The following LHFPL3 variants were observed in gnomAD, a reference collection of about 807,000 sequenced individuals.
LHFPL3 encodes the protein LHFPL tetraspan subfamily member 3 protein.
Under a neutral mutation model 19.3 loss-of-function variants are expected in LHFPL3, and 5 were observed. The ratio of observed to expected loss-of-function variants is 0.26; its 90% CI spans 0.14 to 0.54. The LOEUF is 0.54. Ranked by LOEUF, LHFPL3 falls within the 20% of genes least tolerant of loss-of-function variation. The probability of loss-of-function intolerance (pLI) is 0.94; values close to 1 mark genes in which losing one functional copy is unlikely to be tolerated. For missense variants in LHFPL3, 249 were observed against 307.4 expected, an observed-to-expected ratio of 0.81 and a Z score of 1.42; for synonymous variants, 133 against 126.2, an observed-to-expected ratio of 1.05 and a Z score of -0.36.
At chr7:104,770,716 ATCC>A (rs539104365) in intron 2 of LHFPL3, among the ~76,000 whole-genome samples, 1 of 152,154 alleles carries the variant, frequency 6.6e-6, no homozygotes, top group South Asian at 2.1e-4. Flanking sequence ...AAATCTCAGA[ATCC>A]TCCTCAACAC....
chr7:104,518,850 A>AAATAGATAGATAG (rs1562923378), intron 1 of LHFPL3, among the ~76,000 whole-genome samples: 58 of 140,084 alleles, frequency 4.1e-4, no homozygotes, highest in African/African-American at 1.5e-3. Context: ...TAGATAGAAT[A>AAATAGATAGATAG]AATAAAAAAA....
At chr7:104,536,459 A>G (rs936335243) in intron 1 of LHFPL3, among the ~76,000 whole-genome samples, 2 of 152,200 alleles carry the variant, frequency 1.3e-5, no homozygotes, top group Non-Finnish European at 1.5e-5. Context: ...CGATTGGAAC[A>G]TCATTTTCCC....
intron 1 of LHFPL3, among the ~76,000 whole-genome samples, chr7:104,347,412 CT>C (rs1399202968): frequency 1.3e-5 from 2 of 152,062 alleles, no homozygotes; most frequent in Non-Finnish European, 2.9e-5. Context: ...GCTGGGTCCT[CT>C]TTTCACCCTC....
intron 1 of LHFPL3, among the ~76,000 whole-genome samples, chr7:104,529,633 C>A (rs768229555): frequency 6.6e-6 from 1 of 152,172 alleles, no homozygotes; most frequent in Non-Finnish European, 1.5e-5. Flanking sequence ...AAGTAGTCAT[C>A]CCTCTTTCTC....
intron 2 of LHFPL3, among the ~76,000 whole-genome samples, chr7:104,842,482 T>C (rs1422675589): frequency 6.6e-6 from 1 of 152,190 alleles, no homozygotes; most frequent in Admixed American, 6.5e-5. Context: ...GATAATGTCA[T>C]GGCTGTCTTC....
chr7:104,773,193 C>A (rs1223931266), intron 2 of LHFPL3, among the ~76,000 whole-genome samples: 1 of 152,196 alleles, frequency 6.6e-6, no homozygotes, highest in East Asian at 1.9e-4. Flanking sequence ...CAGAACCTGA[C>A]AGGGCAGTGA....
intron 1 of LHFPL3, among the ~76,000 whole-genome samples, chr7:104,642,816 G>T (rs187083822): frequency 1.3e-5 from 2 of 152,274 alleles, no homozygotes; most frequent in African/African-American, 4.8e-5. Flanking sequence ...GCCCCTGAAG[G>T]TTCCCCCTTT....
chr7:104,706,236 T>C (rs962121837), intron 1 of LHFPL3, among the ~76,000 whole-genome samples: 7 of 152,124 alleles, frequency 4.6e-5, no homozygotes, highest in African/African-American at 1.4e-4. Context: ...GGCATGATAC[T>C]TACTGTCAGC....
chr7:104,752,708 A>G, intron 2 of LHFPL3: 1 of 392,818 alleles, frequency 2.5e-6, no homozygotes, highest in Non-Finnish European at 4.5e-6. Flanking sequence ...CGAGCGCACA[A>G]GCTTACCGTA....
intron 2 of LHFPL3, among the ~76,000 whole-genome samples, chr7:104,788,438 A>G (rs1336052218): frequency 6.6e-6 from 1 of 152,152 alleles, no homozygotes; most frequent in African/African-American, 2.4e-5. Flanking sequence ...TATTCAATCT[A>G]TTGTAGAGCT....
intron 1 of LHFPL3, among the ~76,000 whole-genome samples, chr7:104,495,547 C>A (rs914234680): frequency 1.3e-5 from 2 of 152,136 alleles, no homozygotes; most frequent in African/African-American, 4.8e-5. Flanking sequence ...CCACGCTTGG[C>A]TAATTTTTTG....
intron 1 of LHFPL3, among the ~76,000 whole-genome samples, chr7:104,424,729 C>T (rs779669448): frequency 1.3e-5 from 2 of 152,042 alleles, no homozygotes; most frequent in African/African-American, 4.8e-5. Flanking sequence ...CGGTGGCTCA[C>T]GCCTGTAATC....
intron 1 of LHFPL3, among the ~76,000 whole-genome samples, chr7:104,497,170 CA>C (rs67997138): frequency 0.077 from 11,014 of 143,200 alleles, 1,322 homozygotes; most frequent in African/African-American, 0.26. Flanking sequence ...ACTGACAAAA[CA>C]AAAAAAAAAG....
intron 1 of LHFPL3, among the ~76,000 whole-genome samples, chr7:104,414,754 G>T (rs953120218): frequency 2.6e-5 from 4 of 152,138 alleles, no homozygotes; most frequent in African/African-American, 9.7e-5. Flanking sequence ...ATTCAATTTC[G>T]TGCTGCCAAC....
intron 1 of LHFPL3, among the ~76,000 whole-genome samples, chr7:104,675,861 A>G (rs1459051749): frequency 6.6e-6 from 1 of 152,066 alleles, no homozygotes; most frequent in Non-Finnish European, 1.5e-5. Flanking sequence ...TTTTAGATAT[A>G]TTACATTTGA....
chr7:104,331,176 T>G (rs1447818664), intron 1 of LHFPL3, among the ~76,000 whole-genome samples: 1 of 152,244 alleles, frequency 6.6e-6, no homozygotes, highest in South Asian at 2.1e-4. Context: ...TTTTGTTTCG[T>G]TTTTCTCCTT....
chr7:104,357,909 TTTGA>T (rs1412013464), intron 1 of LHFPL3, among the ~76,000 whole-genome samples: 2 of 152,206 alleles, frequency 1.3e-5, no homozygotes, highest in African/African-American at 4.8e-5. Flanking sequence ...TAAATTAGTG[TTTGA>T]TTGAAAAACT....
chr7:104,611,568 T>C (rs769942817), intron 1 of LHFPL3, among the ~76,000 whole-genome samples: 1 of 152,116 alleles, frequency 6.6e-6, no homozygotes, highest in Non-Finnish European at 1.5e-5. Context: ...ACTCAGAAAG[T>C]TGGCAGTAAG....
chr7:104,625,073 G>A (rs1791517521), intron 1 of LHFPL3, among the ~76,000 whole-genome samples: 1 of 152,158 alleles, frequency 6.6e-6, no homozygotes, highest in South Asian at 2.1e-4. Flanking sequence ...TATCTGCAGA[G>A]GGTCTTTCCC....
Sources: allele counts gnomAD v4.1 joint callset (sites outside exome capture counted in the v4.1 genomes callset), GRCh38; gene constraint gnomAD v4.1.1; transcripts MANE v1.5; gene names NCBI Gene and HGNC (gene_info 2026-07-23, HGNC 2026-07-21).